Variants in MAGI1 observed in about 807,000 individuals in gnomAD.
The protein encoded by MAGI1 is membrane-associated guanylate kinase, WW and PDZ domain-containing protein 1.
A neutral mutation model predicts 139.9 loss-of-function variants in MAGI1; 58 were observed. The ratio of observed to expected loss-of-function variants is 0.41; its 90% CI spans 0.34 to 0.52. The LOEUF (loss-of-function observed/expected upper bound fraction) is 0.52, where lower values mean the gene tolerates loss of function less well. Among genes scored for constraint, MAGI1 ranks in the 20% least tolerant of loss-of-function variants. The pLI is 0.12. For missense variants in MAGI1, 1,874 were observed against 1,901.6 expected (o/e 0.99, Z 0.27); for synonymous variants, 812 against 737.9 (o/e 1.10, Z -1.63).
intron 1 of MAGI1, among the ~76,000 whole-genome samples, chr3:65,886,047 T>A (rs1001281088): frequency 2.0e-5 from 3 of 152,208 alleles, no homozygotes; most frequent in African/African-American, 4.8e-5. Context: ...CAAACAAGTA[T>A]AACTGAAAGC....
At chr3:65,968,783 T>C (rs936725149) in intron 1 of MAGI1, among the ~76,000 whole-genome samples, 1 of 152,108 alleles carries the variant, frequency 6.6e-6, no homozygotes, top group Non-Finnish European at 1.5e-5. Flanking sequence ...CACTTTAAAT[T>C]ACATATATAC....
At chr3:65,552,259 G>GGTGTGTGT (rs10576104) in intron 2 of MAGI1, among the ~76,000 whole-genome samples, 3,288 of 148,018 alleles carry the variant, frequency 0.022, 103 homozygotes, top group African/African-American at 0.076. Flanking sequence ...TGTGTATAGG[G>GGTGTGTGT]GTGTGTGTGT....
chr3:65,608,072 G>A (rs988161870), intron 2 of MAGI1, among the ~76,000 whole-genome samples: 2 of 152,298 alleles, frequency 1.3e-5, no homozygotes, highest in South Asian at 4.1e-4. Context: ...TGCAAGCACA[G>A]CCAATAAGCA....
intron 2 of MAGI1, among the ~76,000 whole-genome samples, chr3:65,540,154 T>G (rs545090019): frequency 2.2e-4 from 34 of 152,282 alleles, no homozygotes; most frequent in African/African-American, 7.7e-4. Flanking sequence ...TATAACAACT[T>G]ATGCTATATG....
intron 1 of MAGI1, among the ~76,000 whole-genome samples, chr3:65,894,352 C>T (rs1342526876): frequency 4.6e-5 from 7 of 152,176 alleles, no homozygotes; most frequent in Non-Finnish European, 7.3e-5. Context: ...ATTTCCATTA[C>T]ATCATATTTA....
chr3:65,584,839 G>T (rs1350859645), intron 2 of MAGI1, among the ~76,000 whole-genome samples: 1 of 152,030 alleles, frequency 6.6e-6, no homozygotes, highest in African/African-American at 2.4e-5. Flanking sequence ...TTATCCATTC[G>T]ACCAGTTCAT....
chr3:65,668,985 T>G (rs969418769), intron 1 of MAGI1, among the ~76,000 whole-genome samples: 12 of 152,096 alleles, frequency 7.9e-5, no homozygotes, highest in Non-Finnish European at 1.8e-4. Context: ...CAGGCTGGAG[T>G]GCAGTGCAGG....
chr3:66,032,106 C>G (rs933371258), intron 1 of MAGI1, among the ~76,000 whole-genome samples: 1 of 152,102 alleles, frequency 6.6e-6, no homozygotes, highest in African/African-American at 2.4e-5. Context: ...AAAGACAAAT[C>G]GAGAGAAAGG....
intron 1 of MAGI1, among the ~76,000 whole-genome samples, chr3:65,862,328 C>T (rs1302470602): frequency 6.6e-6 from 1 of 152,244 alleles, no homozygotes; most frequent in Admixed American, 6.5e-5. Flanking sequence ...AAGTATTTAA[C>T]AGCACCTGCC....
intron 5 of MAGI1, among the ~76,000 whole-genome samples, chr3:65,455,651 C>T (rs112643367): frequency 0.024 from 3,714 of 152,258 alleles, 146 homozygotes; most frequent in African/African-American, 0.084. Context: ...GTAGCAGGAT[C>T]ACCTGAGCCC....
chr3:65,685,446 A>C (rs2087936655), intron 1 of MAGI1, among the ~76,000 whole-genome samples: 1 of 152,196 alleles, frequency 6.6e-6, no homozygotes, highest in Admixed American at 6.5e-5. Flanking sequence ...GTCTCTAATG[A>C]ATATATCGTT....
At position 65,889,063 on chromosome 3, in the gene MAGI1, G is replaced by A. The variant is rs1575861932; in HGVS notation, c.313+148933C>T. Among the ~76,000 whole-genome samples the A allele has an allele frequency of 2.6e-5, 4 of 152,092 alleles. No individual in the cohort carries two copies. The South Asian group carries it at 8.3e-4, about 32-fold the overall frequency. On this transcript the variant is annotated intron_variant, in intron 1 of 22. Coordinates refer to ENST00000402939, the MANE Select transcript of MAGI1 (RefSeq NM_001033057.2). ...AGTACTATTCATTATCAGATTCATA[G>A]CAGTTTTCCAAAACCAAGAGACGCT...
chr3:65,739,651 G>C (rs777682610), intron 1 of MAGI1, among the ~76,000 whole-genome samples: 4 of 152,164 alleles, frequency 2.6e-5, no homozygotes, highest in Admixed American at 6.5e-5. Flanking sequence ...GTCCATTGCA[G>C]GGTATTAATT....
At chr3:65,974,166 G>C (rs1280626537) in intron 1 of MAGI1, among the ~76,000 whole-genome samples, 1 of 151,862 alleles carries the variant, frequency 6.6e-6, no homozygotes, top group African/African-American at 2.4e-5. Flanking sequence ...TTTTGCTGAA[G>C]ACAACTAGAT....
At chr3:65,698,292 C>G (rs2107599220) in intron 1 of MAGI1, among the ~76,000 whole-genome samples, 1 of 140,880 alleles carries the variant, frequency 7.1e-6, no homozygotes, top group South Asian at 2.3e-4. Context: ...TGAAAATGGC[C>G]ATACTGCCCA....
chr3:65,426,297 C>T (rs1354229774), intron 12 of MAGI1, among the ~76,000 whole-genome samples: 4 of 152,052 alleles, frequency 2.6e-5, no homozygotes, highest in Admixed American at 6.5e-5. Flanking sequence ...ACCTTCAGCT[C>T]GATTTCCAGA....
At chr3:65,996,991 G>C (rs2066484725) in intron 1 of MAGI1, among the ~76,000 whole-genome samples, 1 of 152,186 alleles carries the variant, frequency 6.6e-6, no homozygotes. Flanking sequence ...AGCTGAAAAG[G>C]AACCAGACTG....
Position 65,414,678 on chromosome 3 carries a change from T to C in MAGI1, c.2168-13208A>G, listed in dbSNP as rs1200253028. On this transcript the variant is annotated intron_variant, in intron 12 of 22. Transcript: ENST00000402939. ...GCAATTGATCCTAAGTTGCCAATTC[T>C]TTCTTTTGTGAACTAAGAACATTAA... Among the ~76,000 whole-genome samples the C allele has an allele frequency of 2.0e-5, 3 of 152,152 alleles. No individual in the cohort carries two copies. The East Asian group carries it at 5.8e-4, about 29-fold the overall frequency.
intron 1 of MAGI1, among the ~76,000 whole-genome samples, chr3:65,953,512 C>T (rs1006429227): frequency 3.9e-5 from 6 of 152,320 alleles, no homozygotes; most frequent in African/African-American, 1.4e-4. Context: ...TGGGTCCCTC[C>T]GAGCCCAGTT....
Sources: allele counts gnomAD v4.1 joint callset (sites outside exome capture counted in the v4.1 genomes callset), GRCh38; gene constraint gnomAD v4.1.1; transcripts MANE v1.5; gene names NCBI Gene and HGNC (gene_info 2026-07-23, HGNC 2026-07-21).